IL15RA: variants seen among roughly 807,000 people sequenced by gnomAD.
IL15RA encodes the protein interleukin-15 receptor subunit alpha.
A neutral mutation model predicts 24.2 loss-of-function variants in IL15RA; 26 were observed. That is an observed-to-expected ratio of 1.07 (90% CI 0.79 to 1.49). The LOEUF (loss-of-function observed/expected upper bound fraction) is 1.49. Ranked by LOEUF, IL15RA falls within the 40% of genes most tolerant of loss-of-function variation. The pLI is 0.00. For synonymous variants in IL15RA, 166 were observed against 157.6 expected (o/e 1.05, Z -0.40); for missense variants, 354 against 356.4 (o/e 0.99, Z 0.05).
rs1833962611 is a variant in IL15RA, at chr10:5,952,572, C to T, written c.*523G>A. The T allele has an allele frequency of 6.3e-6, 1 of 157,636 alleles. No homozygotes were observed. The highest frequency in any genetic ancestry group is 1.4e-5 in the Non-Finnish European group (1 of 70,880). The allele number at this position is 157,636 out of a possible 1,614,324, so 9.8% of individuals were successfully genotyped here. ...AGGATTCGCTGGGCTCAGCATCTCT[C>T]CCACCTTTCCCAGGTCCCTGTCCAT... On this transcript the variant is annotated 3_prime_UTR_variant, in exon 7 of 7. Transcript: ENST00000379977.
rs1835355111 is a variant in IL15RA at position 5,960,673 on chromosome 10, G to A, written c.383-106C>T. On this transcript the variant is annotated intron_variant, in intron 3 of 6. Transcript: ENST00000379977. This position sits in a 1 kb window ranked among gnomAD's most constrained non-coding sequence, Gnocchi z 5.1. Reference sequence around the variant, plus strand: ...CTGCCATAGTGAGTCACCCTGACCAGCCCTCCCTCTCTCACAGCCAACTGC... The same window carrying A: ...CTGCCATAGTGAGTCACCCTGACCAACCCTCCCTCTCTCACAGCCAACTGC... 2.2e-6 allele frequency: 2 copies of A among 903,738 alleles called. No individual in the cohort carries two copies. Among genetic ancestry groups the A allele is most frequent in the Non-Finnish European group, 3.5e-6 (2 of 566,400 alleles). 56.0% of individuals were successfully genotyped at this position (903,738 alleles called of 1,614,324 possible).
intron 1 of IL15RA, among the ~76,000 whole-genome samples, chr10:5,972,558 T>G (rs893899670): frequency 6.6e-6 from 1 of 152,236 alleles, no homozygotes; most frequent in Admixed American, 6.5e-5. Flanking sequence ...TGCTATTTCT[T>G]TTGTAATTTT....
At chr10:5,976,592 C>A (rs546649821) in intron 1 of IL15RA, among the ~76,000 whole-genome samples, 20 of 152,248 alleles carry the variant, frequency 1.3e-4, no homozygotes, top group Non-Finnish European at 2.1e-4. Flanking sequence ...GATAAAGAAG[C>A]GCTGACAAGG....
At position 5,968,465 on chromosome 10, in the gene IL15RA, T is replaced by G; in HGVS notation, c.89-2126A>C. 2.9e-6 allele frequency: 1 copy of G among 340,850 alleles called. No homozygotes were observed. 21.1% of individuals were successfully genotyped at this position (340,850 alleles called of 1,614,324 possible). On this transcript the variant is annotated intron_variant, in intron 1 of 6. Coordinates refer to ENST00000379977, the MANE Select transcript of IL15RA (RefSeq NM_002189.4). The surrounding 1 kb of genome is among the most constrained non-coding windows in gnomAD (Gnocchi z 5.4). ...GCTCACTTCCTGTCTCAGGCATCTA[T>G]TGTCCAGTGGCCGCCACTACTCCCC...
rs1044707553 is a variant in IL15RA at position 5,967,549 on chromosome 10, T to C, written c.89-1210A>G. 6.6e-6 allele frequency among the ~76,000 whole-genome samples: 1 copy of C among 152,116 alleles called. No individual in the cohort carries two copies. Among genetic ancestry groups the C allele is most frequent in the African/African-American group, 2.4e-5 (1 of 41,430 alleles). On this transcript the variant is annotated intron_variant, in intron 1 of 6. Coordinates refer to ENST00000379977, the MANE Select transcript of IL15RA (RefSeq NM_002189.4). The surrounding 1 kb of genome is among the most constrained non-coding windows in gnomAD (Gnocchi z 4.4). ...AACTGCAAAGACACCTTATTCCCCATGAAGCATCATTTTCCCAAAGGCTGC... is the reference window on the plus strand; with the variant it reads ...AACTGCAAAGACACCTTATTCCCCACGAAGCATCATTTTCCCAAAGGCTGC...
At position 5,963,886 on chromosome 10, in the gene IL15RA, A is replaced by C; in HGVS notation, c.284-45T>G. The stretch of plus-strand genomic sequence containing the variant: ...ATGGCACTTATGATCCTGAGCCTGG[A>C]ACCTGGGCTGGCTTCAGAACGGGAT... On this transcript the variant is annotated intron_variant, in intron 2 of 6. Transcript: ENST00000379977. This position sits in a 1 kb window ranked among gnomAD's most constrained non-coding sequence, Gnocchi z 5.3. 1 of 1,290,620 alleles carries C rather than the reference A, an allele frequency of 7.7e-7. No homozygotes were observed. The highest frequency in any genetic ancestry group is 1.1e-6 in the Non-Finnish European group (1 of 932,882). The allele number at this position is 1,290,620 out of a possible 1,614,324, so 79.9% of individuals were successfully genotyped here.
rs1589221252 is a variant in IL15RA, at chr10:5,966,023, C to G, written c.283+122G>C. ...GGTGTGAGCCACCGTGCCCGGCCCC[C>G]ACTGGTGTGTTTAGCCTCAGACCTC... On this transcript the variant is annotated intron_variant, in intron 2 of 6. Coordinates refer to ENST00000379977, the MANE Select transcript of IL15RA (RefSeq NM_002189.4). The surrounding 1 kb of genome is among the most constrained non-coding windows in gnomAD (Gnocchi z 6.4). 1.5e-6 allele frequency: 1 copy of G among 651,062 alleles called. No individual in the cohort carries two copies. The allele number at this position is 651,062 out of a possible 1,614,324, so 40.3% of individuals were successfully genotyped here.
downstream of IL15RA, chr10:5,949,194 C>G (rs781347002): frequency 2.1e-6 from 1 of 471,112 alleles, no homozygotes; most frequent in South Asian, 1.5e-5. This position sits in a 1 kb window ranked among gnomAD's most constrained non-coding sequence, Gnocchi z 4.4. Flanking sequence ...CCAGGAGGAG[C>G]CTTGTAATTG....
intron 6 of IL15RA, among the ~76,000 whole-genome samples, chr10:5,954,517 C>T (rs1187583096): frequency 6.6e-6 from 1 of 151,976 alleles, no homozygotes; most frequent in Non-Finnish European, 1.5e-5. Context: ...TGGTCTCAAA[C>T]TGCTAGGCTC....
intron 1 of IL15RA, among the ~76,000 whole-genome samples, chr10:5,974,926 A>G (rs1157801625): frequency 6.6e-6 from 1 of 151,734 alleles, no homozygotes; most frequent in Non-Finnish European, 1.5e-5. Flanking sequence ...ATAAATAAAA[A>G]TTAAAAATTA....
downstream of IL15RA, chr10:5,949,059 G>C: frequency 2.8e-6 from 1 of 355,672 alleles, no homozygotes; most frequent in South Asian, 2.1e-5. This position sits in a 1 kb window ranked among gnomAD's most constrained non-coding sequence, Gnocchi z 4.4. Flanking sequence ...CGATGGAGAG[G>C]ATTCACTGGG....
In IL15RA at chr10:5,959,744, ACAC is replaced by A. The variant is rs749715927; in HGVS notation, c.616+7_616+9del. On this transcript the variant is annotated splice_region_variant and intron_variant, in intron 5 of 6. Coordinates refer to ENST00000379977, the MANE Select transcript of IL15RA (RefSeq NM_002189.4). This position sits in a 1 kb window ranked among gnomAD's most constrained non-coding sequence, Gnocchi z 4.1. ...GATCATAAACATACCGGACAAAGGG[ACAC>A]ACTTACCAGTGGTGTCGCTGTGGCC... is the stretch of plus-strand genomic sequence containing the variant. 6.2e-7 allele frequency: 1 copy of A among 1,613,264 alleles called. No homozygotes were observed. The highest frequency in any genetic ancestry group is 1.1e-5 in the South Asian group (1 of 91,048).
At chr10:5,972,262 C>T (rs1226473852) in intron 1 of IL15RA, among the ~76,000 whole-genome samples, 1 of 152,196 alleles carries the variant, frequency 6.6e-6, no homozygotes, top group Non-Finnish European at 1.5e-5. Context: ...AAGAAGCATT[C>T]AAATCACATC....
rs1040086891 is a variant in IL15RA, at chr10:5,960,116, G to A, written c.583+251C>T. 3.9e-5 allele frequency among the ~76,000 whole-genome samples: 6 copies of A among 152,302 alleles called. No individual in the cohort carries two copies. Among genetic ancestry groups the A allele is most frequent in the African/African-American group, 7.2e-5 (3 of 41,556 alleles). Reference sequence around the variant, plus strand: ...CCCAGCTGCACAGGCTCTGCCATGCGGGTGATAAGGCTGGCCCTGTCACAT... The same window carrying A: ...CCCAGCTGCACAGGCTCTGCCATGCAGGTGATAAGGCTGGCCCTGTCACAT... On this transcript the variant is annotated intron_variant, in intron 4 of 6. Coordinates refer to ENST00000379977, the MANE Select transcript of IL15RA (RefSeq NM_002189.4). The surrounding 1 kb of genome is among the most constrained non-coding windows in gnomAD (Gnocchi z 5.1).
Position 5,955,567 on chromosome 10 carries a change from T to G in IL15RA, c.692+812A>C, listed in dbSNP as rs1471561801. Among the ~76,000 whole-genome samples, 5 of 152,134 alleles carry G rather than the reference T, an allele frequency of 3.3e-5. No individual in the cohort carries two copies. The highest frequency in any genetic ancestry group is 1.2e-4 in the African/African-American group (5 of 41,418). On this transcript the variant is annotated intron_variant, in intron 6 of 6. Coordinates refer to ENST00000379977, the MANE Select transcript of IL15RA (RefSeq NM_002189.4). The surrounding 1 kb of genome is among the most constrained non-coding windows in gnomAD (Gnocchi z 5.3). ...TACAAAATGAAGGCTAGAATGCCAT[T>G]TGAGGCTTTAATCAAAGAATAATAA...
Position 5,965,972 on chromosome 10 carries a change from C to T in IL15RA, c.283+173G>A, listed in dbSNP as rs545191363. Among the ~76,000 whole-genome samples the T allele has an allele frequency of 5.7e-4, 87 of 152,254 alleles. No homozygotes were observed. The highest frequency in any genetic ancestry group is 8.8e-4 in the Non-Finnish European group (60 of 68,006). ...CTGACTTCAAGTGATCCTCCCGCCT[C>T]GGCCTCCCAAAGTGCTGGGATTACA... On this transcript the variant is annotated intron_variant, in intron 2 of 6. Transcript: ENST00000379977. This position sits in a 1 kb window ranked among gnomAD's most constrained non-coding sequence, Gnocchi z 5.8.
Position 5,971,902 on chromosome 10 carries a change from A to T in IL15RA, c.88+5503T>A, listed in dbSNP as rs776975225. 7.2e-5 allele frequency among the ~76,000 whole-genome samples: 11 copies of T among 152,184 alleles called. No individual in the cohort carries two copies. Among genetic ancestry groups the T allele is most frequent in the Non-Finnish European group, 1.3e-4 (9 of 68,024 alleles). On this transcript the variant is annotated intron_variant, in intron 1 of 6. Transcript: ENST00000379977. This position sits in a 1 kb window ranked among gnomAD's most constrained non-coding sequence, Gnocchi z 5.5. ...CCAGGTGAATTTCTCCATAACTCGA[A>T]TCCTTAAATAATGATTATTGGAGTC...
chr10:5,954,325 G>T (rs1834220308), intron 6 of IL15RA, among the ~76,000 whole-genome samples: 1 of 151,980 alleles, frequency 6.6e-6, no homozygotes, highest in African/African-American at 2.4e-5. Context: ...TGTTGGCCAG[G>T]CTGGTCACAA....
At chr10:5,976,759 T>C (rs1266451928) in intron 1 of IL15RA, among the ~76,000 whole-genome samples, 1 of 152,146 alleles carries the variant, frequency 6.6e-6, no homozygotes, top group South Asian at 2.1e-4. Flanking sequence ...TCCCCCTTTT[T>C]CTGCGAGTGT....
Sources: allele counts gnomAD v4.1 joint callset (sites outside exome capture counted in the v4.1 genomes callset), GRCh38; gene constraint gnomAD v4.1.1; non-coding constraint Gnocchi (gnomAD v3.1); transcripts MANE v1.5; gene names NCBI Gene and HGNC (gene_info 2026-07-23, HGNC 2026-07-21).